DGKI: variants seen among roughly 807,000 people sequenced by gnomAD.
DGKI encodes the protein diacylglycerol kinase iota.
A neutral mutation model predicts 147.5 loss-of-function variants in DGKI; 55 were observed. The observed-to-expected ratio is 0.37, with a 90% CI of 0.30 to 0.47. The LOEUF is 0.47. Among genes scored for constraint, DGKI ranks in the 20% least tolerant of loss-of-function variants. The pLI, the probability that DGKI is intolerant of heterozygous loss-of-function variation, is 1.00. For missense variants in DGKI, 1,007 were observed against 1,323.8 expected (o/e 0.76, Z 3.71); for synonymous variants, 469 against 477.1 (o/e 0.98, Z 0.22).
At chr7:137,574,000 C>T (rs1166482564) in intron 17 of DGKI, among the ~76,000 whole-genome samples, 3 of 152,232 alleles carry the variant, frequency 2.0e-5, no homozygotes, top group African/African-American at 7.2e-5. Context: ...ATACCCTTAT[C>T]ACAGGATTTC....
intron 4 of DGKI, among the ~76,000 whole-genome samples, chr7:137,655,201 CTTT>C (rs201766847): frequency 2.8e-5 from 4 of 140,654 alleles, no homozygotes; most frequent in Admixed American, 7.1e-5. Context: ...CAGAGTTATT[CTTT>C]TTTTTTTTTT....
Position 137,381,623 on chromosome 7 carries a change from TG to T in DGKI, c.*9596del, listed in dbSNP as rs1811063751. 1.3e-5 allele frequency: 2 copies of T among 152,000 alleles called. No individual in the cohort carries two copies. The highest frequency in any genetic ancestry group is 4.2e-4 in the South Asian group (2 of 4,818). The allele number at this position is 152,000 out of a possible 1,614,324, so 9.4% of individuals were successfully genotyped here. ...ATATTCATTCTTTTAGAACTGAGAT[TG>T]TCCTCTATTCCTTAGTTTTTCACAA... On this transcript the variant is annotated 3_prime_UTR_variant, in exon 33 of 33. Coordinates refer to ENST00000614521, the MANE Select transcript of DGKI (RefSeq NM_001321708.2).
intron 5 of DGKI, among the ~76,000 whole-genome samples, chr7:137,649,024 C>T (rs1404535094): frequency 3.3e-5 from 5 of 152,040 alleles, no homozygotes; most frequent in South Asian, 2.1e-4. Flanking sequence ...TACAGCTCTG[C>T]GATTTGAGAT....
intron 20 of DGKI, among the ~76,000 whole-genome samples, chr7:137,530,023 A>G (rs1817286566): frequency 6.6e-6 from 1 of 152,184 alleles, no homozygotes; most frequent in South Asian, 2.1e-4. Context: ...AAGTGCTGGG[A>G]TTACAGGTGT....
rs527804900 is a variant in DGKI, at chr7:137,484,698, C to T, written c.2373+676G>A. 6.6e-5 allele frequency among the ~76,000 whole-genome samples: 10 copies of T among 152,056 alleles called. No individual in the cohort carries two copies. In the South Asian group the frequency reaches 2.1e-3, roughly 32 times the overall value. On this transcript the variant is annotated intron_variant, in intron 23 of 32. Transcript: ENST00000614521. ...ATGGGGAAGTTGGAAAGAAACTGCA[C>T]CCCCAAAGTCTGCTGGGATAAAGAA... is the stretch of plus-strand genomic sequence containing the variant.
At chr7:137,399,875 C>A (rs143456649) in intron 30 of DGKI, among the ~76,000 whole-genome samples, 1 of 150,636 alleles carries the variant, frequency 6.6e-6, no homozygotes, top group Non-Finnish European at 1.5e-5. Context: ...GTGCTCACTG[C>A]CTGGGTGACA....
intron 28 of DGKI, among the ~76,000 whole-genome samples, chr7:137,436,842 C>A (rs1813303480): frequency 6.6e-6 from 1 of 151,846 alleles, no homozygotes; most frequent in African/African-American, 2.4e-5. Flanking sequence ...ATATTGATTT[C>A]TATTTAAAAA....
At chr7:137,551,795 G>T (rs1210094387) in intron 20 of DGKI, among the ~76,000 whole-genome samples, 2 of 152,210 alleles carry the variant, frequency 1.3e-5, no homozygotes, top group African/African-American at 4.8e-5. Context: ...GTCAGGCTAT[G>T]TCTGGACAAT....
intron 20 of DGKI, among the ~76,000 whole-genome samples, chr7:137,530,363 C>T (rs899584421): frequency 1.3e-5 from 2 of 152,152 alleles, no homozygotes; most frequent in Non-Finnish European, 2.9e-5. Context: ...CTAAATCTTT[C>T]AAATACGTAT....
chr7:137,686,036 T>C (rs1182009375), intron 2 of DGKI, among the ~76,000 whole-genome samples: 1 of 152,172 alleles, frequency 6.6e-6, no homozygotes, highest in Non-Finnish European at 1.5e-5. Context: ...AGGTCTATGA[T>C]GCTGCACTCT....
chr7:137,506,425 A>G (rs1242076991), intron 21 of DGKI, among the ~76,000 whole-genome samples: 10 of 152,232 alleles, frequency 6.6e-5, no homozygotes, highest in Non-Finnish European at 1.5e-4. Context: ...CAATAAAATA[A>G]TCAGTGGTTG....
chr7:137,625,826 G>A (rs1260871609), intron 6 of DGKI, among the ~76,000 whole-genome samples: 2 of 151,594 alleles, frequency 1.3e-5, no homozygotes, highest in Non-Finnish European at 1.5e-5. Context: ...ATTTTATTAT[G>A]TGCAATGCAG....
intron 15 of DGKI, among the ~76,000 whole-genome samples, chr7:137,579,382 A>T (rs1563095362): frequency 6.6e-6 from 1 of 150,426 alleles, no homozygotes; most frequent in African/African-American, 2.5e-5. Flanking sequence ...TTAGCTTAAG[A>T]TTTCTTGACT....
chr7:137,534,821 C>T (rs774055449), intron 20 of DGKI, among the ~76,000 whole-genome samples: 1 of 152,034 alleles, frequency 6.6e-6, no homozygotes, highest in African/African-American at 2.4e-5. Flanking sequence ...GAAGTTCTAA[C>T]CCATAGCTCT....
intron 4 of DGKI, among the ~76,000 whole-genome samples, chr7:137,655,915 G>A (rs879368027): frequency 5.9e-5 from 9 of 152,166 alleles, no homozygotes; most frequent in Admixed American, 2.0e-4. Context: ...GGACTTTGCC[G>A]AATCCACTGA....
At chr7:137,573,272 T>C (rs1258790902) in intron 17 of DGKI, among the ~76,000 whole-genome samples, 2 of 152,218 alleles carry the variant, frequency 1.3e-5, no homozygotes, top group African/African-American at 4.8e-5. Context: ...GTCACAAATA[T>C]AATGATTTAT....
At chr7:137,648,279 A>G (rs1161918795) in intron 5 of DGKI, among the ~76,000 whole-genome samples, 1 of 152,232 alleles carries the variant, frequency 6.6e-6, no homozygotes, top group Non-Finnish European at 1.5e-5. Flanking sequence ...AAGAAGAAAC[A>G]TGTTGGAAAC....
intron 1 of DGKI, among the ~76,000 whole-genome samples, chr7:137,709,375 T>C (rs1486386546): frequency 6.6e-6 from 1 of 152,150 alleles, no homozygotes; most frequent in Admixed American, 6.5e-5. Flanking sequence ...TGTAAACACT[T>C]CTGGCATATT....
intron 10 of DGKI, among the ~76,000 whole-genome samples, chr7:137,600,878 T>G (rs1291714155): frequency 6.6e-6 from 1 of 152,184 alleles, no homozygotes; most frequent in African/African-American, 2.4e-5. Flanking sequence ...TGAACATTTT[T>G]GGGGCATTTT....
Sources: allele counts gnomAD v4.1 joint callset (sites outside exome capture counted in the v4.1 genomes callset), GRCh38; gene constraint gnomAD v4.1.1; transcripts MANE v1.5; gene names NCBI Gene and HGNC (gene_info 2026-07-23, HGNC 2026-07-21).